Variants in SF3B2 observed in about 807,000 individuals in gnomAD.
SF3B2 encodes the protein splicing factor 3b subunit 2, also known as SAP 145.
In SF3B2, 22 loss-of-function variants were observed where a neutral mutation model predicts 116.3. That is an observed-to-expected ratio of 0.19 (90% CI 0.14 to 0.27). The LOEUF (loss-of-function observed/expected upper bound fraction) is 0.27, where lower values mean the gene tolerates loss of function less well. SF3B2 is among the 10% of genes least tolerant of loss of function. The pLI is 1.00. For synonymous variants in SF3B2, 406 were observed against 421.6 expected (o/e 0.96, Z 0.45); for missense variants, 767 against 1,151.4 (o/e 0.67, Z 4.83).
intron 21 of SF3B2, 36 bp downstream of exon 21, chr11:66,068,369 C>A (rs775146534): frequency 7.2e-6 from 11 of 1,520,744 alleles, no homozygotes; most frequent in Non-Finnish European, 9.7e-6. Context: ...TGGGTGAGAG[C>A]CAGGGACCCT....
chr11:66,063,518 C>G lies in SF3B2; in HGVS notation c.2204C>G (p.Thr735Arg), dbSNP rs908434687. ...EESDEDKPDETGFITPADSGL... is the reference protein window; with the variant it reads ...EESDEDKPDERGFITPADSGL... ...AGTGATGAAGACAAACCAGATGAGA[C>G]AGGCTTTATTACCCCTGCAGACAGG... The change falls in exon 18 of 22, where the codon ACA becomes AGA. Residue 735 changes from threonine to arginine, a missense_variant. Transcript: ENST00000322535. 2 of 1,613,878 alleles carry G rather than the reference C, an allele frequency of 1.2e-6. No homozygotes were observed. The highest frequency in any genetic ancestry group is 1.7e-6 in the Non-Finnish European group (2 of 1,179,866).
At chr11:66,061,829 A>G in intron 15 of SF3B2, 54 bp downstream of exon 15, 2 of 1,603,028 alleles carry the variant, frequency 1.2e-6, no homozygotes, top group Non-Finnish European at 1.7e-6. Flanking sequence ...TGGGGATTGG[A>G]GTGGAAGGCA....
chr11:66,058,976 T>C lies in SF3B2; in HGVS notation c.1113T>C (p.Tyr371=), dbSNP rs781434113. The change falls in exon 10 of 22, where the codon TAT becomes TAC. Residue 371 remains tyrosine (Y), a synonymous_variant. Coordinates refer to ENST00000322535, the MANE Select transcript of SF3B2 (RefSeq NM_006842.3). The part of the protein sequence containing the change: ...DSPAADVEIE[Y]VTEEPEIYEP... ...CAGCAGCTGATGTTGAGATTGAGTATGTGACTGAAGAACCTGAAATTTACG... is the reference window on the plus strand; with the variant it reads ...CAGCAGCTGATGTTGAGATTGAGTACGTGACTGAAGAACCTGAAATTTACG... The C allele has an allele frequency of 1.9e-6, 3 of 1,614,180 alleles. No homozygotes were observed. The highest frequency in any genetic ancestry group is 2.5e-6 in the Non-Finnish European group (3 of 1,180,020).
intron 21 of SF3B2, 132 bp from the exon 22 acceptor site, chr11:66,068,542 G>A: frequency 1.2e-6 from 1 of 866,748 alleles, no homozygotes. Context: ...GTCTGAGAGG[G>A]AGCTCGAAGA....
At chr11:66,062,058 T>C in intron 16 of SF3B2, 60 bp downstream of exon 16, 1 of 1,256,936 alleles carries the variant, frequency 8.0e-7, no homozygotes, top group Non-Finnish European at 1.1e-6. Flanking sequence ...GAAGGTAATT[T>C]GTTTGTTTTC....
In SF3B2 at chr11:66,068,201, G is replaced by C. The variant is rs773196277; in HGVS notation, c.2484G>C (p.Leu828=). ...AGCTGCAAGGTGTGGAAGTGGCGCT[G>C]GCGCCTGAAGAGTTGGAGCTGGATC... is the stretch of plus-strand genomic sequence containing the variant. ...APELQGVEVA[L]APEELELDPM... Residue 828 remains leucine, a synonymous_variant, in exon 21 of 22, where the codon CTG becomes CTC. Coordinates refer to ENST00000322535, the MANE Select transcript of SF3B2 (RefSeq NM_006842.3). 1.9e-6 allele frequency: 3 copies of C among 1,614,138 alleles called. No individual in the cohort carries two copies. The highest frequency in any genetic ancestry group is 2.5e-6 in the Non-Finnish European group (3 of 1,180,052).
At chr11:66,054,408 C>T (rs376325349) in intron 3 of SF3B2, among the ~76,000 whole-genome samples, 2 of 149,444 alleles carry the variant, frequency 1.3e-5, no homozygotes, top group African/African-American at 4.9e-5. Flanking sequence ...ACCTGGAAAG[C>T]GGAGGTTGCA....
chr11:66,053,382 C>T lies in SF3B2; in HGVS notation c.258+278C>T, dbSNP rs994314726. ...GCCTCCTTTTCCACTGTCTGCTTCT[C>T]CAAAAGCAGCTTGTGGCCGGGTGCA... is the stretch of plus-strand genomic sequence containing the variant. On this transcript the variant is annotated intron_variant, in intron 3 of 21. Coordinates refer to ENST00000322535, the MANE Select transcript of SF3B2 (RefSeq NM_006842.3). 12 of 463,254 alleles carry T rather than the reference C, an allele frequency of 2.6e-5. No homozygotes were observed. In the Admixed American group the frequency reaches 4.1e-4, roughly 16 times the overall value. The allele number at this position is 463,254 out of a possible 1,614,324, so 28.7% of individuals were successfully genotyped here. A position where few individuals can be genotyped will look rare whatever the true frequency, so the allele number is the denominator to read the frequency against.
At position 66,069,306 on chromosome 11, in the gene SF3B2, T is replaced by C. The variant is rs1486890826; in HGVS notation, c.*561T>C. On this transcript the variant is annotated 3_prime_UTR_variant, in exon 22 of 22. Transcript: ENST00000322535. ...AGCTCAAAAGCTAAATTGTCTTGAG[T>C]CCATATGAACCCTTGGGTTCAAGCA... The C allele has an allele frequency of 9.0e-6, 4 of 443,372 alleles. No individual in the cohort carries two copies. Among genetic ancestry groups the C allele is most frequent in the Non-Finnish European group, 1.8e-5 (4 of 216,678 alleles). The allele number at this position is 443,372 out of a possible 1,614,324, so 27.5% of individuals were successfully genotyped here. A position where few individuals can be genotyped will look rare whatever the true frequency, so the allele number is the denominator to read the frequency against.
chr11:66,065,007 T>C (rs974793083), intron 19 of SF3B2: 2 of 152,200 alleles, frequency 1.3e-5, no homozygotes, highest in African/African-American at 2.4e-5. Flanking sequence ...AATCTTGCTA[T>C]GTCGCCCAGG....
intron 19 of SF3B2, chr11:66,067,324 A>C (rs1468273723): frequency 2.3e-6 from 1 of 442,464 alleles, no homozygotes; most frequent in Non-Finnish European, 4.5e-6. Context: ...CAGAAGCCTC[A>C]GAGGGTTTTG....
rs1222740701 is a variant in SF3B2 at position 66,058,983 on chromosome 11, G to C, written c.1120G>C (p.Glu374Gln). The C allele has an allele frequency of 1.2e-6, 2 of 1,614,176 alleles. No homozygotes were observed. The highest frequency in any genetic ancestry group is 1.7e-6 in the Non-Finnish European group (2 of 1,180,036). Residue 374 changes from glutamate (E) to glutamine (Q), a missense_variant, in exon 10 of 22, where the codon GAA (glutamate) becomes CAA (glutamine). Glu to Gln is a conservative substitution (Grantham distance 29). Coordinates refer to ENST00000322535, the MANE Select transcript of SF3B2 (RefSeq NM_006842.3). ...TGATGTTGAGATTGAGTATGTGACT[G>C]AAGAACCTGAAATTTACGAGCCCAA... is the stretch of plus-strand genomic sequence containing the variant. Reference protein sequence around the residue: ...AADVEIEYVTEEPEIYEPNFI... With the variant: ...AADVEIEYVTQEPEIYEPNFI...
chr11:66,052,369 C>A lies in SF3B2; in HGVS notation c.-16C>A, dbSNP rs1291514882. The stretch of plus-strand genomic sequence containing the variant: ...CCCCAGCTTCCGGGTTGGTCGCGCG[C>A]CTTCCTGCGGCTAAGATGGCGACGG... On this transcript the variant is annotated 5_prime_UTR_variant, in exon 1 of 22. Coordinates refer to ENST00000322535, the MANE Select transcript of SF3B2 (RefSeq NM_006842.3). The A allele has an allele frequency of 1.2e-6, 2 of 1,606,164 alleles. No individual in the cohort carries two copies. The highest frequency in any genetic ancestry group is 1.7e-5 in the Admixed American group (1 of 59,456).
intron 14 of SF3B2, 92 bp downstream of exon 14, chr11:66,060,823 G>A: frequency 7.3e-7 from 1 of 1,377,828 alleles, no homozygotes; most frequent in East Asian, 2.3e-5. Context: ...TAAAAAAGAT[G>A]GAGTCTCACC....
intron 6 of SF3B2, 135 bp downstream of exon 6, chr11:66,057,090 C>G: frequency 1.2e-6 from 1 of 834,856 alleles, no homozygotes; most frequent in Non-Finnish European, 2.1e-6. Context: ...ACACACTGAA[C>G]ACACCTGTAC....
At position 66,059,426 on chromosome 11, in the gene SF3B2, C is replaced by A. The variant is rs1466849132; in HGVS notation, c.1320+88C>A. On this transcript the variant is annotated intron_variant, in intron 11 of 21. Coordinates refer to ENST00000322535, the MANE Select transcript of SF3B2 (RefSeq NM_006842.3). This position sits in a 1 kb window ranked among gnomAD's most constrained non-coding sequence, Gnocchi z 5.0. ...AGAGAGGGACCATGGTGAACTCTTA[C>A]AGAGCTTTGGTGGCTTAAGGTTGGG... 2 of 1,609,028 alleles carry A rather than the reference C, an allele frequency of 1.2e-6. No individual in the cohort carries two copies. The highest frequency in any genetic ancestry group is 1.7e-6 in the Non-Finnish European group (2 of 1,175,754).
Position 66,059,754 on chromosome 11 carries a change from A to G in SF3B2, c.1402-28A>G, listed in dbSNP as rs1472794797. ...CAGAACTGAGAAGTCGGGGCTCTCG[A>G]GAACACGCATTACTATGTGTTTTCC... On this transcript the variant is annotated intron_variant, in intron 12 of 21. Transcript: ENST00000322535. This position sits in a 1 kb window ranked among gnomAD's most constrained non-coding sequence, Gnocchi z 5.0. The G allele has an allele frequency of 1.2e-6, 2 of 1,612,396 alleles. No individual in the cohort carries two copies. Among genetic ancestry groups the G allele is most frequent in the Non-Finnish European group, 1.7e-6 (2 of 1,178,614 alleles).
Position 66,059,162 on chromosome 11 carries a change from G to C in SF3B2, c.1183-39G>C. On this transcript the variant is annotated intron_variant, in intron 10 of 21. Coordinates refer to ENST00000322535, the MANE Select transcript of SF3B2 (RefSeq NM_006842.3). This position sits in a 1 kb window ranked among gnomAD's most constrained non-coding sequence, Gnocchi z 5.0. ...TGCTGGCCTTAGGAACTGGGAAGGG[G>C]CTCAGAGGGCAGGGGTTTCACCTTG... The C allele has an allele frequency of 6.2e-7, 1 of 1,613,578 alleles. No individual in the cohort carries two copies. The highest frequency in any genetic ancestry group is 8.5e-7 in the Non-Finnish European group (1 of 1,179,790).
intron 21 of SF3B2, 52 bp from the exon 22 acceptor site, chr11:66,068,622 G>T (rs1320671047): frequency 6.6e-7 from 1 of 1,526,588 alleles, no homozygotes; most frequent in Non-Finnish European, 9.1e-7. Context: ...TGTTTTGGGG[G>T]TCCGGGGGTG....
Sources: gnomAD v4.1 joint callset for allele counts (sites outside exome capture counted in the v4.1 genomes callset) on GRCh38, gnomAD v4.1.1 for gene constraint, Gnocchi (gnomAD v3.1) non-coding constraint, MANE v1.5 for transcripts, NCBI Gene and HGNC (gene_info 2026-07-23, HGNC 2026-07-21) for gene names.